PDE3A: variants seen among roughly 807,000 people sequenced by gnomAD.
PDE3A encodes cGMP-inhibited 3',5'-cyclic phosphodiesterase 3A.
Under a neutral mutation model 98.3 loss-of-function variants are expected in PDE3A, and 43 were observed. That is an observed-to-expected ratio of 0.44 (90% CI 0.34 to 0.56). The LOEUF is 0.56. Ranked by LOEUF, PDE3A falls within the 20% of genes least tolerant of loss-of-function variation. The pLI is 0.01. For synonymous variants in PDE3A, 663 were observed against 567.9 expected (o/e 1.17, Z -2.38); for missense variants, 1,427 against 1,440.7 (o/e 0.99, Z 0.15).
At chr12:20,434,968 G>C (rs1172159045) in intron 1 of PDE3A, among the ~76,000 whole-genome samples, 1 of 151,922 alleles carries the variant, frequency 6.6e-6, no homozygotes, top group Non-Finnish European at 1.5e-5. Context: ...AGAAATGAGG[G>C]TTCCACATTG....
intron 1 of PDE3A, among the ~76,000 whole-genome samples, chr12:20,440,357 T>G (rs1017815805): frequency 7.9e-5 from 12 of 152,184 alleles, no homozygotes; most frequent in Non-Finnish European, 1.8e-4. Flanking sequence ...GTGAAAAGTT[T>G]GTGAAGTAGA....
rs1943207769 is a variant in PDE3A at position 20,586,810 on chromosome 12, A to G, written c.1012-26633A>G. On this transcript the variant is annotated intron_variant, in intron 2 of 15. Coordinates refer to ENST00000359062, the MANE Select transcript of PDE3A (RefSeq NM_000921.5). ...TTGCTTAGTACTTACTACTTAGCCT[A>G]ATCTTTAATTTGATACATAATATTG... Among the ~76,000 whole-genome samples, 3 of 152,224 alleles carry G rather than the reference A, an allele frequency of 2.0e-5. No individual in the cohort carries two copies. In the South Asian group the frequency reaches 6.2e-4, roughly 32 times the overall value.
Position 20,369,943 on chromosome 12 carries a change from C to T in PDE3A, c.659C>T (p.Ala220Val), listed in dbSNP as rs149261951. ...LGVLMIALTSAVRTVSLISLE... is the reference protein window; with the variant it reads ...LGVLMIALTSVVRTVSLISLE... ...GTCCTCATGATCGCCTTGACTAGCGCGGTCAGGACCGTGTCCCTCATTTCC... is the reference window on the plus strand; with the variant it reads ...GTCCTCATGATCGCCTTGACTAGCGTGGTCAGGACCGTGTCCCTCATTTCC... Residue 220 changes from alanine to valine, a missense_variant, in exon 1 of 16, where the codon GCG (alanine) becomes GTG (valine). Transcript: ENST00000359062. 9.3e-6 allele frequency: 15 copies of T among 1,613,422 alleles called. No individual in the cohort carries two copies. The East Asian group carries it at 3.3e-4, about 36-fold the overall frequency.
intron 1 of PDE3A, among the ~76,000 whole-genome samples, chr12:20,487,501 TAAAAAAAAAAA>T (rs34671800): frequency 0.014 from 893 of 62,040 alleles, 16 homozygotes; most frequent in African/African-American, 0.053. Context: ...CTGTCTCTAC[TAAAAAAAAAAA>T]AAAAAAAAAA....
At chr12:20,436,589 A>G (rs1056110367) in intron 1 of PDE3A, among the ~76,000 whole-genome samples, 1 of 152,200 alleles carries the variant, frequency 6.6e-6, no homozygotes, top group African/African-American at 2.4e-5. Context: ...GGAGACATGA[A>G]TGATTTCATC....
rs1212214006 is a variant in PDE3A at position 20,369,401 on chromosome 12, G to A, written c.117G>A (p.Arg39=). ...ATCGTGCGGACCCCGCATCGCCGCG[G>A]GACTCGGGCTGCCGTGGCTGCTGGG... ...CHHRADPASP[R]DSGCRGCWGD... Residue 39 remains arginine (R), a synonymous_variant, in exon 1 of 16, where the codon CGG becomes CGA. Coordinates refer to ENST00000359062, the MANE Select transcript of PDE3A (RefSeq NM_000921.5). 6.4e-7 allele frequency: 1 copy of A among 1,552,786 alleles called. No homozygotes were observed. The highest frequency in any genetic ancestry group is 1.2e-5 in the South Asian group (1 of 84,204).
intron 1 of PDE3A, among the ~76,000 whole-genome samples, chr12:20,520,822 A>G (rs947159602): frequency 6.6e-6 from 1 of 152,184 alleles, no homozygotes; most frequent in Non-Finnish European, 1.5e-5. Context: ...GTTCTGAGAA[A>G]TACTAGCATC....
chr12:20,645,343 AGGT>A, intron 10 of PDE3A, among the ~76,000 whole-genome samples: 1 of 152,140 alleles, frequency 6.6e-6, no homozygotes, highest in Admixed American at 6.6e-5. Context: ...ACACCTACCC[AGGT>A]GCTACAATTG....
chr12:20,614,054 G>A (rs1943937565), intron 3 of PDE3A, among the ~76,000 whole-genome samples: 1 of 152,110 alleles, frequency 6.6e-6, no homozygotes. Flanking sequence ...CTCCTTTCTA[G>A]TGCAGATTCT....
chr12:20,666,693 G>T (rs1945322371), intron 15 of PDE3A, among the ~76,000 whole-genome samples: 1 of 152,132 alleles, frequency 6.6e-6, no homozygotes, highest in African/African-American at 2.4e-5. Context: ...TGGACACTTA[G>T]GTTGATTCCA....
Position 20,558,691 on chromosome 12 carries a change from A to AAATAATAATAAT in PDE3A, c.1011+1999_1011+2010dup, listed in dbSNP as rs66996145. Among the ~76,000 whole-genome samples the AAATAATAATAAT allele has an allele frequency of 7.7e-3, 1,142 of 147,834 alleles. 6 individuals are homozygous for AAATAATAATAAT. Among genetic ancestry groups the AAATAATAATAAT allele is most frequent in the East Asian group, 0.04 (203 of 5,028 alleles). ...ATCTGATTTCAATTCCCTGCTGACG[A>AAATAATAATAAT]AATAATAATAATAATAATAATAATA... On this transcript the variant is annotated intron_variant, in intron 2 of 15. Transcript: ENST00000359062.
chr12:20,472,923 C>T lies in PDE3A; in HGVS notation c.961-83737C>T, dbSNP rs559193937. On this transcript the variant is annotated intron_variant, in intron 1 of 15. Coordinates refer to ENST00000359062, the MANE Select transcript of PDE3A (RefSeq NM_000921.5). ...ATACATTGAAATTTTTATTCACCAT[C>T]ATGGTAAATCTTTTAAATCTGTTTG... Among the ~76,000 whole-genome samples the T allele has an allele frequency of 1.1e-3, 161 of 152,258 alleles. 1 individual carries two copies. The highest frequency in any genetic ancestry group is 5.7e-4 in the Non-Finnish European group (39 of 67,998).
intron 5 of PDE3A, 86 bp downstream of exon 5, chr12:20,621,497 G>T (rs1174661801): frequency 4.1e-6 from 3 of 726,600 alleles, no homozygotes; most frequent in African/African-American, 1.8e-5. Context: ...ATATTCTGAG[G>T]GTGCCCTATA....
At position 20,681,816 on chromosome 12, in the gene PDE3A, A is replaced by G. The variant is rs1464459907; in HGVS notation, c.*1545A>G. 1 of 151,660 alleles carries G rather than the reference A, an allele frequency of 6.6e-6. No homozygotes were observed. Among genetic ancestry groups the G allele is most frequent in the Non-Finnish European group, 1.5e-5 (1 of 68,016 alleles). The allele number at this position is 151,660 out of a possible 1,614,324, so 9.4% of individuals were successfully genotyped here. A position where few individuals can be genotyped will look rare whatever the true frequency, so the allele number is the denominator to read the frequency against. On this transcript the variant is annotated 3_prime_UTR_variant, in exon 16 of 16. Coordinates refer to ENST00000359062, the MANE Select transcript of PDE3A (RefSeq NM_000921.5). ...TTTAAAAAGTTGATACTCACTTTCAATATTTTATTTCATATTATTATATAT... is the reference window on the plus strand; with the variant it reads ...TTTAAAAAGTTGATACTCACTTTCAGTATTTTATTTCATATTATTATATAT...
Position 20,613,375 on chromosome 12 carries a change from A to G in PDE3A, c.1012-68A>G, listed in dbSNP as rs1943916110. The G allele has an allele frequency of 5.4e-6, 8 of 1,486,366 alleles. No homozygotes were observed. In the East Asian group the frequency reaches 1.8e-4, roughly 34 times the overall value. 92.1% of individuals were successfully genotyped at this position (1,486,366 alleles called of 1,614,324 possible). On this transcript the variant is annotated intron_variant, in intron 2 of 15. Transcript: ENST00000359062. ...AATTCATTTCTTAGTGAAAAAGTCCAAATTAATGCTTTGTGCCTTCAGATT... is the reference window on the plus strand; with the variant it reads ...AATTCATTTCTTAGTGAAAAAGTCCGAATTAATGCTTTGTGCCTTCAGATT...
Position 20,369,462 on chromosome 12 carries a change from A to C in PDE3A, c.178A>C (p.Lys60Gln), listed in dbSNP as rs1053738599. 8 of 1,556,274 alleles carry C rather than the reference A, an allele frequency of 5.1e-6. No individual in the cohort carries two copies. In the African/African-American group the frequency reaches 5.5e-5, roughly 11 times the overall value. ...LVLQPLRSSR[K>Q]LSSALCAGSL... ...GCTGCAGCCGCTCCGGAGCTCTCGG[A>C]AACTTTCCTCCGCGCTGTGCGCGGG... Residue 60 changes from lysine to glutamine, a missense_variant, in exon 1 of 16, where the codon AAA (lysine) becomes CAA (glutamine). This residue lies in a region of PDE3A where 1,012 missense variants were observed against 886.5 expected (regional missense o/e 1.14). Transcript: ENST00000359062.
intron 1 of PDE3A, among the ~76,000 whole-genome samples, chr12:20,495,783 C>T (rs1409810147): frequency 1.3e-5 from 2 of 152,068 alleles, no homozygotes; most frequent in African/African-American, 4.8e-5. Flanking sequence ...TATATGTTGC[C>T]AGATTGCTTT....
intron 1 of PDE3A, among the ~76,000 whole-genome samples, chr12:20,425,008 T>C (rs1051930382): frequency 6.6e-6 from 1 of 152,230 alleles, no homozygotes; most frequent in Non-Finnish European, 1.5e-5. Flanking sequence ...TAGCACTTCA[T>C]CTTAGGCAAA....
chr12:20,667,220 T>C (rs1178271228), intron 15 of PDE3A, among the ~76,000 whole-genome samples: 1 of 152,218 alleles, frequency 6.6e-6, no homozygotes, highest in Non-Finnish European at 1.5e-5. Context: ...TCTTCCATTC[T>C]ATAGATTTTC....
Sources: gnomAD v4.1 joint callset for allele counts (sites outside exome capture counted in the v4.1 genomes callset) on GRCh38, gnomAD v4.1.1 for gene constraint, gnomAD v4.1.1 regional missense constraint, MANE v1.5 for transcripts, NCBI Gene and HGNC (gene_info 2026-07-23, HGNC 2026-07-21) for gene names.